NUBPL: variants seen among roughly 807,000 people sequenced by gnomAD.
The protein encoded by NUBPL is NUBP iron-sulfur cluster assembly factor, mitochondrial, also known as iron-sulfur cluster transfer protein NUBPL.
Under a neutral mutation model 45.7 loss-of-function variants are expected in NUBPL, and 31 were observed. That is an observed-to-expected ratio of 0.68 (90% CI 0.51 to 0.92). The LOEUF is 0.92. Ranked by LOEUF, NUBPL falls within the 40% of genes least tolerant of loss-of-function variation. The pLI is 0.00. For missense variants in NUBPL, 401 were observed against 398.7 expected (o/e 1.01, Z -0.05); for synonymous variants, 144 against 140.9 (o/e 1.02, Z -0.15).
chr14:31,631,910 C>T (rs974211732), intron 4 of NUBPL, among the ~76,000 whole-genome samples: 3 of 152,012 alleles, frequency 2.0e-5, no homozygotes, highest in African/African-American at 7.2e-5. Context: ...AATATTTAAC[C>T]AAATTTATGG....
chr14:31,700,645 G>A (rs1016200343), intron 6 of NUBPL, among the ~76,000 whole-genome samples: 19 of 148,890 alleles, frequency 1.3e-4, no homozygotes, highest in African/African-American at 4.2e-4. Context: ...TCGAGCGGCC[G>A]GCCAGTGCCA....
At chr14:31,713,419 T>C (rs2037621235) in intron 6 of NUBPL, among the ~76,000 whole-genome samples, 1 of 152,260 alleles carries the variant, frequency 6.6e-6, no homozygotes, top group Non-Finnish European at 1.5e-5. Context: ...TGGCACATTA[T>C]GTCACTGGCT....
intron 7 of NUBPL, among the ~76,000 whole-genome samples, chr14:31,820,889 G>A (rs1378780266): frequency 6.6e-6 from 1 of 150,920 alleles, no homozygotes; most frequent in African/African-American, 2.4e-5. Flanking sequence ...GGGAAGCTGA[G>A]GTGGGTGGAT....
chr14:31,787,724 A>G (rs1000460877), intron 6 of NUBPL, 56 bp from the exon 7 acceptor site: 7 of 1,120,992 alleles, frequency 6.2e-6, no homozygotes, highest in East Asian at 2.4e-5. Flanking sequence ...TTTTGTTTAC[A>G]TCACTATTCA....
At chr14:31,688,089 CA>C (rs1482090202) in intron 6 of NUBPL, among the ~76,000 whole-genome samples, 5 of 151,712 alleles carry the variant, frequency 3.3e-5, no homozygotes, top group African/African-American at 1.2e-4. Flanking sequence ...TAATATTATT[CA>C]AGAAAAAAAT....
intron 3 of NUBPL, among the ~76,000 whole-genome samples, chr14:31,584,153 T>C (rs2139504319): frequency 6.7e-6 from 1 of 150,346 alleles, no homozygotes; most frequent in African/African-American, 2.4e-5. Context: ...GCAGTTTTCT[T>C]TTTTTTTTTC....
intron 3 of NUBPL, among the ~76,000 whole-genome samples, chr14:31,596,055 C>T (rs550839630): frequency 2.0e-5 from 3 of 151,866 alleles, no homozygotes; most frequent in African/African-American, 7.2e-5. Context: ...CACAGGTGCC[C>T]GCCAGCACGC....
At chr14:31,701,139 G>T (rs1595514606) in intron 6 of NUBPL, among the ~76,000 whole-genome samples, 1 of 95,822 alleles carries the variant, frequency 1.0e-5, no homozygotes, top group African/African-American at 2.8e-5. Context: ...TAGCTAATCT[G>T]GTGGGGACTT....
intron 7 of NUBPL, among the ~76,000 whole-genome samples, chr14:31,805,991 A>C (rs891709423): frequency 1.8e-4 from 27 of 152,204 alleles, no homozygotes; most frequent in Admixed American, 1.7e-3. Context: ...TTCAGTGAAG[A>C]GTATAATGAC....
chr14:31,825,923 A>C (rs2040095251), intron 7 of NUBPL, among the ~76,000 whole-genome samples: 1 of 150,920 alleles, frequency 6.6e-6, no homozygotes, highest in Admixed American at 6.6e-5. Flanking sequence ...CCTGGGCTTA[A>C]GTGATCCCTC....
At position 31,787,774 on chromosome 14, in the gene NUBPL, T is replaced by G. The variant is rs372682460; in HGVS notation, c.514-6T>G. On this transcript the variant is annotated splice_polypyrimidine_tract_variant and splice_region_variant and intron_variant, in intron 6 of 10. Transcript: ENST00000281081. ...TACAATGATATAATCTATGTCATCT[T>G]TTTAGGTAGATTGGGGTCAACTGGA... 3.8e-6 allele frequency: 6 copies of G among 1,588,238 alleles called. No homozygotes were observed. The African/African-American group carries it at 8.1e-5, about 21-fold the overall frequency.
At chr14:31,620,727 G>T (rs2035036473) in intron 4 of NUBPL, among the ~76,000 whole-genome samples, 1 of 152,180 alleles carries the variant, frequency 6.6e-6, no homozygotes, top group African/African-American at 2.4e-5. Flanking sequence ...GGCCCCTACT[G>T]GGAGGTGTCT....
At chr14:31,848,203 T>C (rs1311303607) in intron 9 of NUBPL, among the ~76,000 whole-genome samples, 1 of 152,224 alleles carries the variant, frequency 6.6e-6, no homozygotes, top group African/African-American at 2.4e-5. Context: ...TCTGACAGTG[T>C]TAGGGGAAAA....
intron 2 of NUBPL, among the ~76,000 whole-genome samples, chr14:31,563,054 A>C (rs2033342332): frequency 6.6e-6 from 1 of 152,224 alleles, no homozygotes; most frequent in African/African-American, 2.4e-5. Flanking sequence ...TTGTTAAAAA[A>C]AATTAATAAT....
rs549486389 is a variant in NUBPL, at chr14:31,598,124, T to G, written c.292-1165T>G. Among the ~76,000 whole-genome samples the G allele has an allele frequency of 3.3e-5, 5 of 152,276 alleles. No homozygotes were observed. In the East Asian group the frequency reaches 7.7e-4, roughly 23 times the overall value. ...CTGAGATTTTCATAGAGGCAGATAT[T>G]AATCCCGTTTTTTCCTCTGAGGACA... On this transcript the variant is annotated intron_variant, in intron 3 of 10. Coordinates refer to ENST00000281081, the MANE Select transcript of NUBPL (RefSeq NM_025152.3).
chr14:31,744,479 A>G (rs988257811), intron 6 of NUBPL, among the ~76,000 whole-genome samples: 12 of 152,208 alleles, frequency 7.9e-5, no homozygotes, highest in Admixed American at 4.6e-4. Flanking sequence ...TAAACGCCAC[A>G]AAAAGCATTT....
chr14:31,731,619 A>G (rs2038049687), intron 6 of NUBPL, among the ~76,000 whole-genome samples: 1 of 152,246 alleles, frequency 6.6e-6, no homozygotes, highest in African/African-American at 2.4e-5. Context: ...TGTTCATTAT[A>G]AACTCAAATA....
At chr14:31,683,375 T>C (rs1247881214) in intron 6 of NUBPL, among the ~76,000 whole-genome samples, 9 of 102,366 alleles carry the variant, frequency 8.8e-5, no homozygotes, top group African/African-American at 2.6e-4. Context: ...TTTTTTTTTT[T>C]GTGAGACAGG....
chr14:31,623,644 T>A (rs2035128187), intron 4 of NUBPL, among the ~76,000 whole-genome samples: 1 of 152,184 alleles, frequency 6.6e-6, no homozygotes, highest in African/African-American at 2.4e-5. Context: ...TCTGCTATGA[T>A]TGTAAGTTTC....
Sources: gnomAD v4.1 joint callset for allele counts (sites outside exome capture counted in the v4.1 genomes callset) on GRCh38, gnomAD v4.1.1 for gene constraint, MANE v1.5 for transcripts, NCBI Gene and HGNC (gene_info 2026-07-23, HGNC 2026-07-21) for gene names.